Variants in FGF12 observed in about 807,000 individuals in gnomAD.
The protein encoded by FGF12 is fibroblast growth factor 12.
In FGF12, 14 loss-of-function variants were observed where a neutral mutation model predicts 23.6. The ratio of observed to expected loss-of-function variants is 0.59; its 90% CI spans 0.39 to 0.93. The LOEUF (loss-of-function observed/expected upper bound fraction) is 0.93. Ranked by LOEUF, FGF12 falls within the 40% of genes least tolerant of loss-of-function variation. The probability of loss-of-function intolerance (pLI) is 0.00; values close to 1 mark genes in which losing one functional copy is unlikely to be tolerated. For synonymous variants in FGF12, 62 were observed against 77.3 expected (o/e 0.80, Z 1.04); for missense variants, 175 against 217.8 (o/e 0.80, Z 1.24).
chr3:192,526,892 A>G (rs546076971), intron 2 of FGF12, among the ~76,000 whole-genome samples: 2 of 152,270 alleles, frequency 1.3e-5, no homozygotes, highest in Non-Finnish European at 2.9e-5. Context: ...AATCAATGAC[A>G]CACCTACCAC....
At chr3:192,404,330 C>T (rs995898638) in intron 2 of FGF12, among the ~76,000 whole-genome samples, 4 of 152,140 alleles carry the variant, frequency 2.6e-5, no homozygotes, top group African/African-American at 9.7e-5. Flanking sequence ...CTCCAAGGTT[C>T]GTGGCCACTC....
At chr3:192,563,899 A>G (rs1712150891) in intron 2 of FGF12, among the ~76,000 whole-genome samples, 1 of 152,222 alleles carries the variant, frequency 6.6e-6, no homozygotes, top group African/African-American at 2.4e-5. Context: ...CAAGCCTAAG[A>G]AAAGTGTATT....
intron 4 of FGF12, among the ~76,000 whole-genome samples, chr3:192,212,996 G>A (rs1183276303): frequency 3.3e-5 from 5 of 152,210 alleles, no homozygotes; most frequent in African/African-American, 9.6e-5. Context: ...TCCCAGAAGT[G>A]CAATGGTACC....
intron 2 of FGF12, among the ~76,000 whole-genome samples, chr3:192,635,079 C>T (rs1381753134): frequency 2.0e-5 from 3 of 152,126 alleles, no homozygotes; most frequent in African/African-American, 7.2e-5. Context: ...AAGCTGGTCT[C>T]GAACTCCTGA....
chr3:192,391,333 C>G (rs1720284808), intron 2 of FGF12, among the ~76,000 whole-genome samples: 1 of 152,170 alleles, frequency 6.6e-6, no homozygotes, highest in Non-Finnish European at 1.5e-5. Flanking sequence ...TCTAGACCAA[C>G]TGGTGATTTA....
At chr3:192,166,001 T>C (rs1577193828) in intron 5 of FGF12, among the ~76,000 whole-genome samples, 1 of 152,128 alleles carries the variant, frequency 6.6e-6, no homozygotes, top group Non-Finnish European at 1.5e-5. Context: ...GGCTAGCAAA[T>C]AGTAAATTGA....
intron 4 of FGF12, among the ~76,000 whole-genome samples, chr3:192,261,998 G>A (rs1004522846): frequency 5.3e-5 from 8 of 152,144 alleles, no homozygotes; most frequent in South Asian, 2.1e-4. Context: ...CTTAGTACTC[G>A]AAGAATTAGA....
At chr3:192,687,040 A>AG in intron 2 of FGF12, among the ~76,000 whole-genome samples, 1 of 151,514 alleles carries the variant, frequency 6.6e-6, no homozygotes, top group South Asian at 2.1e-4. Context: ...CATCTTAGCC[A>AG]GGATGGTCTC....
intron 2 of FGF12, among the ~76,000 whole-genome samples, chr3:192,479,357 C>T (rs1723416243): frequency 1.3e-5 from 2 of 152,284 alleles, no homozygotes; most frequent in South Asian, 4.1e-4. Context: ...AAGTCCCAGG[C>T]TCCATCTGAG....
At chr3:192,343,119 G>A (rs1165391704) in intron 3 of FGF12, among the ~76,000 whole-genome samples, 4 of 152,112 alleles carry the variant, frequency 2.6e-5, no homozygotes, top group Admixed American at 1.3e-4. Flanking sequence ...CTCATTGCTT[G>A]TAACGAAGAA....
At chr3:192,265,275 ATCCGATGTTATAT>A (rs1441425746) in intron 4 of FGF12, 1 of 152,142 alleles carries the variant, frequency 6.6e-6, no homozygotes, top group East Asian at 1.9e-4. Flanking sequence ...AGGTAGTAAC[ATCCGATGTTATAT>A]TCCTCCGTGT....
Position 192,370,099 on chromosome 3 carries a change from A to G in FGF12, c.14-9561T>C, listed in dbSNP as rs375328706. Among the ~76,000 whole-genome samples, 6 of 152,254 alleles carry G rather than the reference A, an allele frequency of 3.9e-5. No individual in the cohort carries two copies. The South Asian group carries it at 8.3e-4, about 21-fold the overall frequency. ...TGGGTGTGGTCAGGGTGAAGGAAATATGGGGGTGCATGCAGGGGCTGGAGG... is the reference window on the plus strand; with the variant it reads ...TGGGTGTGGTCAGGGTGAAGGAAATGTGGGGGTGCATGCAGGGGCTGGAGG... On this transcript the variant is annotated intron_variant, in intron 2 of 5. Transcript: ENST00000445105.
At chr3:192,622,070 G>C (rs1359209431) in intron 2 of FGF12, among the ~76,000 whole-genome samples, 2 of 152,084 alleles carry the variant, frequency 1.3e-5, no homozygotes, top group African/African-American at 4.8e-5. Context: ...ACTAAATTTT[G>C]CTGTTGTCAA....
At chr3:192,403,326 A>T (rs1011337374) in intron 2 of FGF12, among the ~76,000 whole-genome samples, 4 of 152,216 alleles carry the variant, frequency 2.6e-5, no homozygotes, top group African/African-American at 9.6e-5. Context: ...CAAATTCATT[A>T]AAACTTTAAA....
At chr3:192,713,077 G>GA (rs982062239) in intron 2 of FGF12, among the ~76,000 whole-genome samples, 29 of 151,146 alleles carry the variant, frequency 1.9e-4, no homozygotes, top group African/African-American at 6.1e-4. Flanking sequence ...ATCAACCACA[G>GA]AAAAAAAACA....
chr3:192,147,979 T>C (rs1283707930), intron 5 of FGF12, among the ~76,000 whole-genome samples: 2 of 149,032 alleles, frequency 1.3e-5, no homozygotes, highest in Admixed American at 1.3e-4. Flanking sequence ...TTGGTGAGTA[T>C]GTGGAGAAAT....
intron 4 of FGF12, among the ~76,000 whole-genome samples, chr3:192,306,082 G>C (rs185334819): frequency 1.3e-4 from 20 of 151,984 alleles, no homozygotes; most frequent in African/African-American, 4.6e-4. Flanking sequence ...GGATGGCCTC[G>C]ATCTCCTGAC....
In FGF12 at chr3:192,505,174, T is replaced by TA. The variant is rs945976972; in HGVS notation, c.14-144637dup. ...TAGTATTTTTAAATACAGACAAGCT[T>TA]AAAAAAAAAGAAACAAAAATGATTC... On this transcript the variant is annotated intron_variant, in intron 2 of 5. Transcript: ENST00000445105. 3.3e-5 allele frequency among the ~76,000 whole-genome samples: 5 copies of TA among 151,128 alleles called. No homozygotes were observed. The East Asian group carries it at 5.8e-4, about 18-fold the overall frequency.
intron 2 of FGF12, among the ~76,000 whole-genome samples, chr3:192,707,907 T>C (rs751230842): frequency 1.3e-5 from 2 of 152,098 alleles, no homozygotes; most frequent in Non-Finnish European, 2.9e-5. Flanking sequence ...TTCTCTTCCA[T>C]GGACAACAGG....
Sources: allele counts gnomAD v4.1 joint callset (sites outside exome capture counted in the v4.1 genomes callset), GRCh38; gene constraint gnomAD v4.1.1; transcripts MANE v1.5; gene names NCBI Gene and HGNC (gene_info 2026-07-23, HGNC 2026-07-21).